Variants in CEP350 observed in about 807,000 individuals in gnomAD.
CEP350 encodes centrosomal protein 350.
In CEP350, 126 loss-of-function variants were observed where a neutral mutation model predicts 331.8. The ratio of observed to expected loss-of-function variants is 0.38; its 90% confidence interval spans 0.33 to 0.44. CEP350 has a LOEUF of 0.44. Ranked by LOEUF, CEP350 falls within the 20% of genes least tolerant of loss-of-function variation. The probability of loss-of-function intolerance (pLI) is 1.00; values close to 1 mark genes in which losing one functional copy is unlikely to be tolerated. For synonymous variants in CEP350, 1,200 were observed against 1,259.5 expected, an observed-to-expected ratio of 0.95 and a Z score of 1.00; for missense variants, 3,406 against 3,634.6, an observed-to-expected ratio of 0.94 and a Z score of 1.62.
chr1:180,054,798 GAT>G (rs1657715680), intron 25 of CEP350, among the ~76,000 whole-genome samples: 1 of 152,082 alleles, frequency 6.6e-6, no homozygotes, highest in Admixed American at 6.5e-5. Context: ...TAAAAATTAA[GAT>G]ATGTGTAAAA....
At position 179,971,131 on chromosome 1, in the gene CEP350, C is replaced by G. The variant is rs548658693; in HGVS notation, c.-13-15038C>G. Reference sequence around the variant, plus strand: ...GCAACCTCTGCCTCCCGGGTTTAAGCAATTCTCCTGCTTTAGCCTCCCAAG... The same window carrying G: ...GCAACCTCTGCCTCCCGGGTTTAAGGAATTCTCCTGCTTTAGCCTCCCAAG... On this transcript the variant is annotated intron_variant, in intron 1 of 37. Coordinates refer to ENST00000367607, the MANE Select transcript of CEP350 (RefSeq NM_014810.5). Among the ~76,000 whole-genome samples, 7 of 151,232 alleles carry G rather than the reference C, an allele frequency of 4.6e-5. No homozygotes were observed. The East Asian group carries it at 1.4e-3, about 30-fold the overall frequency.
intron 37 of CEP350, among the ~76,000 whole-genome samples, chr1:180,110,741 T>C (rs1661426040): frequency 6.6e-6 from 1 of 152,222 alleles, no homozygotes; most frequent in Non-Finnish European, 1.5e-5. Flanking sequence ...GACAACATAC[T>C]GGTAATCTTT....
rs1651144593 is a variant in CEP350 at position 179,968,008 on chromosome 1, G to A, written c.-14+12866G>A. ...AAACAGGTCTGGAGCACTCAATGTGGCTATATACTGTGCGTGAACTAGGGA... is the reference window on the plus strand; with the variant it reads ...AAACAGGTCTGGAGCACTCAATGTGACTATATACTGTGCGTGAACTAGGGA... On this transcript the variant is annotated intron_variant, in intron 1 of 37. Coordinates refer to ENST00000367607, the MANE Select transcript of CEP350 (RefSeq NM_014810.5). Among the ~76,000 whole-genome samples the A allele has an allele frequency of 1.3e-5, 2 of 152,068 alleles. 1 individual carries two copies. The highest frequency in any genetic ancestry group is 4.1e-4 in the South Asian group (2 of 4,830).
In CEP350 at chr1:180,031,354, A is replaced by T; in HGVS notation, c.3585A>T (p.Ser1195=). The part of the protein sequence containing the change: ...LDSFTGNVQN[S]LLDEEKAERG... Reference sequence around the variant, plus strand: ...CATTCACTGGAAATGTTCAGAACTCACTTCTTGATGAGGAAAAAGCAGAAC... The same window carrying T: ...CATTCACTGGAAATGTTCAGAACTCTCTTCTTGATGAGGAAAAAGCAGAAC... Residue 1195 remains serine (S), a synonymous_variant, in exon 15 of 38, where the codon TCA becomes TCT. Transcript: ENST00000367607. 1 of 1,607,346 alleles carries T rather than the reference A, an allele frequency of 6.2e-7. No homozygotes were observed. Among genetic ancestry groups the T allele is most frequent in the Non-Finnish European group, 8.5e-7 (1 of 1,175,526 alleles).
At chr1:179,969,517 T>C in intron 1 of CEP350, 1 of 447,238 alleles carries the variant, frequency 2.2e-6, no homozygotes. Context: ...CTTAAGCTGT[T>C]CTTGCATGGA....
At chr1:180,024,318 G>C in intron 13 of CEP350, 101 bp from the exon 14 acceptor site, 2 of 1,045,114 alleles carry the variant, frequency 1.9e-6, no homozygotes, top group South Asian at 4.0e-5. Context: ...TTTGATTGTA[G>C]TTATAGTCTC....
chr1:180,090,685 A>C (rs556810732), intron 32 of CEP350, 29 bp from the exon 33 acceptor site: 1 of 1,523,588 alleles, frequency 6.6e-7, no homozygotes, highest in Non-Finnish European at 8.8e-7. Context: ...TAATATGTTT[A>C]TTTCTGCTCA....
chr1:180,106,429 G>A (rs146543689), intron 37 of CEP350, among the ~76,000 whole-genome samples: 41 of 152,134 alleles, frequency 2.7e-4, no homozygotes, highest in East Asian at 2.3e-3. Flanking sequence ...TGTTTGACCC[G>A]GGTCTTTTCT....
At chr1:180,026,489 T>G (rs74530636) in intron 14 of CEP350, among the ~76,000 whole-genome samples, 1,569 of 152,278 alleles carry the variant, frequency 0.01, 29 homozygotes, top group African/African-American at 0.034. Context: ...ATTTATCATT[T>G]TAACCATTTT....
At chr1:180,013,570 C>A (rs1321250235) in intron 9 of CEP350, among the ~76,000 whole-genome samples, 2 of 152,072 alleles carry the variant, frequency 1.3e-5, no homozygotes, top group African/African-American at 4.8e-5. Context: ...ATATTCATAA[C>A]AACCATAAGA....
At chr1:180,032,920 A>C (rs577300789) in intron 15 of CEP350, among the ~76,000 whole-genome samples, 31 of 152,126 alleles carry the variant, frequency 2.0e-4, no homozygotes, top group Non-Finnish European at 3.7e-4. Context: ...AATAGTATTT[A>C]TCTAAAGTAT....
chr1:180,054,537 A>G (rs752015392), intron 25 of CEP350, 35 bp downstream of exon 25: 1 of 1,455,432 alleles, frequency 6.9e-7, no homozygotes, highest in Non-Finnish European at 9.5e-7. Flanking sequence ...AGGACAGCTT[A>G]TAAGGCAAGT....
At chr1:179,986,082 G>A (rs2148665221) in intron 1 of CEP350, 87 bp from the exon 2 acceptor site, 1 of 1,055,846 alleles carries the variant, frequency 9.5e-7, no homozygotes. Context: ...GTGTGAAGTA[G>A]TCATAATATA....
At chr1:179,958,078 A>G (rs999767544) in intron 1 of CEP350, among the ~76,000 whole-genome samples, 2 of 152,202 alleles carry the variant, frequency 1.3e-5, no homozygotes, top group African/African-American at 4.8e-5. Flanking sequence ...TTTGTTTAAT[A>G]TGTCAGATAA....
chr1:180,090,922 AT>A, intron 33 of CEP350, 126 bp downstream of exon 33: 1 of 758,640 alleles, frequency 1.3e-6, no homozygotes, highest in Non-Finnish European at 1.9e-6. Context: ...ATTATTTAAC[AT>A]TTTAAAGTTA....
chr1:180,114,796 A>T lies in CEP350; in HGVS notation c.*3635A>T, dbSNP rs1661601224. 6.5e-6 allele frequency: 1 copy of T among 152,684 alleles called. No homozygotes were observed. Among genetic ancestry groups the T allele is most frequent in the Non-Finnish European group, 1.5e-5 (1 of 68,038 alleles). The allele number at this position is 152,684 out of a possible 1,614,324, so 9.5% of individuals were successfully genotyped here. On this transcript the variant is annotated 3_prime_UTR_variant, in exon 38 of 38. Coordinates refer to ENST00000367607, the MANE Select transcript of CEP350 (RefSeq NM_014810.5). Reference sequence around the variant, plus strand: ...AAATAACTGGGATGAATTCCCATGTATACCTGTGTAAATAGATTTGTTAAC... The same window carrying T: ...AAATAACTGGGATGAATTCCCATGTTTACCTGTGTAAATAGATTTGTTAAC...
At chr1:180,073,825 G>T in intron 27 of CEP350, 1 of 1,304,004 alleles carries the variant, frequency 7.7e-7, no homozygotes, top group Non-Finnish European at 1.0e-6. Flanking sequence ...CTGTCTTTAC[G>T]TCTCATCACT....
At chr1:180,107,914 A>G (rs1049024992) in intron 37 of CEP350, among the ~76,000 whole-genome samples, 14 of 152,208 alleles carry the variant, frequency 9.2e-5, no homozygotes, top group African/African-American at 3.4e-4. Context: ...TAAATGTATT[A>G]ATTTTTACAT....
intron 16 of CEP350, among the ~76,000 whole-genome samples, chr1:180,036,175 A>C (rs1000972454): frequency 3.9e-5 from 6 of 152,250 alleles, no homozygotes; most frequent in African/African-American, 1.4e-4. Context: ...GAATTGCTGC[A>C]GTCTCATGAC....
Sources: gnomAD v4.1 joint callset for allele counts (sites outside exome capture counted in the v4.1 genomes callset) on GRCh38, gnomAD v4.1.1 for gene constraint, MANE v1.5 for transcripts, NCBI Gene and HGNC (gene_info 2026-07-23, HGNC 2026-07-21) for gene names.